Variants in ZBTB40 observed in about 807,000 individuals in gnomAD.
The protein encoded by ZBTB40 is zinc finger and BTB domain-containing protein 40.
ZBTB40 carries 60 observed loss-of-function variants against 117.5 expected under a neutral mutation model. The ratio of observed to expected loss-of-function variants is 0.51; its 90% CI spans 0.41 to 0.63. The LOEUF (loss-of-function observed/expected upper bound fraction) is 0.63, where lower values mean the gene tolerates loss of function less well. Ranked by LOEUF, ZBTB40 falls within the 30% of genes least tolerant of loss-of-function variation. ZBTB40 has a pLI of 0.00. For synonymous variants in ZBTB40, 525 were observed against 577.1 expected (o/e 0.91, Z 1.29); for missense variants, 1,287 against 1,498.5 (o/e 0.86, Z 2.33).
At chr1:22,509,450 G>A (rs973693550) in intron 9 of ZBTB40, among the ~76,000 whole-genome samples, 2 of 152,100 alleles carry the variant, frequency 1.3e-5, no homozygotes, top group African/African-American at 2.4e-5. Context: ...GGGTTCAAGC[G>A]ATTCTCCTGC....
At chr1:22,517,270 T>C (rs1411096035) in intron 12 of ZBTB40, 30 bp from the exon 13 acceptor site, 9 of 1,613,058 alleles carry the variant, frequency 5.6e-6, no homozygotes, top group Non-Finnish European at 7.6e-6. Context: ...TTTTTAGTGC[T>C]GACTCTAATA....
At chr1:22,479,265 T>G (rs1638224377) in intron 1 of ZBTB40, among the ~76,000 whole-genome samples, 2 of 152,208 alleles carry the variant, frequency 1.3e-5, no homozygotes, top group African/African-American at 4.8e-5. Flanking sequence ...ATTTTAATTA[T>G]TTTAGTGGAG....
In ZBTB40 at chr1:22,511,169, A is replaced by G; in HGVS notation, c.1834-10A>G. 1.2e-6 allele frequency: 2 copies of G among 1,609,738 alleles called. No individual in the cohort carries two copies. The highest frequency in any genetic ancestry group is 2.2e-5 in the East Asian group (1 of 44,684). On this transcript the variant is annotated splice_polypyrimidine_tract_variant and intron_variant, in intron 9 of 17. Coordinates refer to ENST00000375647, the MANE Select transcript of ZBTB40 (RefSeq NM_014870.4). ...TAACCCCACACCTTTGTCTCCTGGT[A>G]TTCATTTAGATTCTGAGCATTCCCT...
At chr1:22,521,696 C>T (rs1293549566) in intron 15 of ZBTB40, 38 bp downstream of exon 15, 2 of 1,613,784 alleles carry the variant, frequency 1.2e-6, no homozygotes, top group South Asian at 1.1e-5. Flanking sequence ...GCGGGAGGGG[C>T]TTGATGGTGT....
intron 3 of ZBTB40, among the ~76,000 whole-genome samples, chr1:22,493,794 GTTT>G (rs377507956): frequency 1.5e-5 from 2 of 133,826 alleles, no homozygotes; most frequent in African/African-American, 5.5e-5. Flanking sequence ...ATTCACCCAT[GTTT>G]TTTTTTTTTT....
At chr1:22,449,817 A>G (rs1277735735), upstream of ZBTB40, among the ~76,000 whole-genome samples, 1 of 152,246 alleles carries the variant, frequency 6.6e-6, no homozygotes, top group Non-Finnish European at 1.5e-5. Flanking sequence ...TAAGTGGAAC[A>G]GGAGGGACAG....
chr1:22,526,413 C>T lies in ZBTB40; in HGVS notation c.*17C>T. On this transcript the variant is annotated 3_prime_UTR_variant, in exon 18 of 18. Coordinates refer to ENST00000375647, the MANE Select transcript of ZBTB40 (RefSeq NM_014870.4). Reference sequence around the variant, plus strand: ...GCCAAATGAGCAGCCTTTCATCCGGCAGAGCCTTCCTGCGTTTGCAGCAGA... The same window carrying T: ...GCCAAATGAGCAGCCTTTCATCCGGTAGAGCCTTCCTGCGTTTGCAGCAGA... 2 of 1,613,538 alleles carry T rather than the reference C, an allele frequency of 1.2e-6. No individual in the cohort carries two copies. The highest frequency in any genetic ancestry group is 1.7e-6 in the Non-Finnish European group (2 of 1,180,008).
rs1371031214 is a variant in ZBTB40, at chr1:22,527,150, C to G, written c.*754C>G. 2.0e-5 allele frequency: 3 copies of G among 153,080 alleles called. No homozygotes were observed. Among genetic ancestry groups the G allele is most frequent in the African/African-American group, 7.2e-5 (3 of 41,462 alleles). The allele number at this position is 153,080 out of a possible 1,614,324, so 9.5% of individuals were successfully genotyped here. On this transcript the variant is annotated 3_prime_UTR_variant, in exon 18 of 18. Coordinates refer to ENST00000375647, the MANE Select transcript of ZBTB40 (RefSeq NM_014870.4). ...TTCCAGGACATTCTTCTTGGTATTC[C>G]TTACCTGAAGCCTGGTTCCCACAGC...
At chr1:22,492,279 G>A (rs1397208713) in intron 3 of ZBTB40, among the ~76,000 whole-genome samples, 1 of 152,160 alleles carries the variant, frequency 6.6e-6, no homozygotes, top group Non-Finnish European at 1.5e-5. Context: ...ATATATATAA[G>A]TGCTTAGGAA....
chr1:22,435,279 G>C (rs937450059), intron 1 of ZBTB40, among the ~76,000 whole-genome samples: 1 of 152,186 alleles, frequency 6.6e-6, no homozygotes, highest in Non-Finnish European at 1.5e-5. Context: ...GGGATTACAG[G>C]CATGCGCCAT....
chr1:22,473,417 T>A (rs970671101), intron 1 of ZBTB40, among the ~76,000 whole-genome samples: 1 of 152,238 alleles, frequency 6.6e-6, no homozygotes, highest in African/African-American at 2.4e-5. Flanking sequence ...CAGGGGCTTA[T>A]TTGTAAATTG....
chr1:22,430,471 GT>G (rs1288711502), intron 1 of ZBTB40, among the ~76,000 whole-genome samples: 1 of 152,110 alleles, frequency 6.6e-6, no homozygotes, highest in East Asian at 1.9e-4. Flanking sequence ...CACACCTGTA[GT>G]TTCAGCTACA....
chr1:22,507,434 A>G (rs896594362), intron 6 of ZBTB40, among the ~76,000 whole-genome samples: 2 of 152,230 alleles, frequency 1.3e-5, no homozygotes, highest in Admixed American at 6.5e-5. Flanking sequence ...TTGGATTTCC[A>G]GAAGTGGAGT....
chr1:22,511,875 G>A lies in ZBTB40; in HGVS notation c.2202G>A (p.Lys734=). 6.2e-7 allele frequency: 1 copy of A among 1,614,216 alleles called. No homozygotes were observed. Among genetic ancestry groups the A allele is most frequent in the Non-Finnish European group, 8.5e-7 (1 of 1,180,034 alleles). Residue 734 remains lysine, a synonymous_variant, in exon 11 of 18, where the codon AAG becomes AAA. Coordinates refer to ENST00000375647, the MANE Select transcript of ZBTB40 (RefSeq NM_014870.4). ...CAGCCTCCCCAGACCCTGCCAAGAA[G>A]AGCTTCATCTGTAAGGCCTGCGACA... ...EASASPDPAK[K]SFICKACDKS... is the part of the protein sequence containing the mutation.
chr1:22,441,461 AT>A (rs1640730886), intron 1 of ZBTB40, among the ~76,000 whole-genome samples: 1 of 98,194 alleles, frequency 1.0e-5, no homozygotes. Context: ...TTCAGTCTTT[AT>A]TATTTGCTTT....
At chr1:22,503,812 C>G in intron 5 of ZBTB40, among the ~76,000 whole-genome samples, 1 of 152,290 alleles carries the variant, frequency 6.6e-6, no homozygotes, top group East Asian at 1.9e-4. Flanking sequence ...GCTTATAGCT[C>G]TAAAAGTTCC....
chr1:22,505,522 C>A (rs550665435), intron 5 of ZBTB40, among the ~76,000 whole-genome samples: 4 of 152,182 alleles, frequency 2.6e-5, no homozygotes, highest in Admixed American at 2.6e-4. Context: ...CACTTTAAAT[C>A]TAATATTTTG....
At chr1:22,452,926 C>T (rs187717208) in intron 1 of ZBTB40, 2 of 152,408 alleles carry the variant, frequency 1.3e-5, no homozygotes, top group East Asian at 3.8e-4. Flanking sequence ...TGTTGTTCTA[C>T]TTTATGACGA....
chr1:22,463,532 G>T (rs1641182224), intron 1 of ZBTB40, among the ~76,000 whole-genome samples: 1 of 152,196 alleles, frequency 6.6e-6, no homozygotes, highest in African/African-American at 2.4e-5. Flanking sequence ...AGTGGTAATT[G>T]CTTGTTGAGA....
Sources: allele counts gnomAD v4.1 joint callset (sites outside exome capture counted in the v4.1 genomes callset), GRCh38; gene constraint gnomAD v4.1.1; transcripts MANE v1.5; gene names NCBI Gene and HGNC (gene_info 2026-07-23, HGNC 2026-07-21).